Variants in ATRNL1 observed in about 807,000 individuals in gnomAD.
ATRNL1 encodes attractin like 1.
A neutral mutation model predicts 182.7 loss-of-function variants in ATRNL1; 95 were observed. The observed-to-expected ratio is 0.52, with a 90% CI of 0.44 to 0.62. The LOEUF (loss-of-function observed/expected upper bound fraction) is 0.62, where lower values mean the gene tolerates loss of function less well. Among genes scored for constraint, ATRNL1 ranks in the 20% least tolerant of loss-of-function variants. The pLI is 0.00. For synonymous variants in ATRNL1, 576 were observed against 568.3 expected (o/e 1.01, Z -0.19); for missense variants, 1,471 against 1,679.5 (o/e 0.88, Z 2.17).
At chr10:115,208,702 T>A (rs917117619) in intron 8 of ATRNL1, among the ~76,000 whole-genome samples, 1 of 152,080 alleles carries the variant, frequency 6.6e-6, no homozygotes, top group African/African-American at 2.4e-5. Context: ...TACTAGTTTT[T>A]TCTTGGTCCT....
At chr10:115,427,646 A>C (rs1352941610) in intron 21 of ATRNL1, among the ~76,000 whole-genome samples, 1 of 152,080 alleles carries the variant, frequency 6.6e-6, no homozygotes, top group African/African-American at 2.4e-5. Context: ...TCTCCATGTA[A>C]ATATTTAAAT....
At chr10:115,768,387 A>T (rs1425209266) in intron 27 of ATRNL1, among the ~76,000 whole-genome samples, 1 of 152,006 alleles carries the variant, frequency 6.6e-6, no homozygotes, top group African/African-American at 2.4e-5. Context: ...GACTTAGTAG[A>T]TTTACTTATT....
At chr10:115,934,459 A>G (rs1434015487) in intron 28 of ATRNL1, among the ~76,000 whole-genome samples, 2 of 152,020 alleles carry the variant, frequency 1.3e-5, no homozygotes, top group Non-Finnish European at 2.9e-5. Context: ...CACCAAATTC[A>G]CTATGTCTGA....
intron 13 of ATRNL1, among the ~76,000 whole-genome samples, chr10:115,273,988 G>T (rs149981920): frequency 6.6e-6 from 1 of 152,198 alleles, no homozygotes; most frequent in African/African-American, 2.4e-5. Flanking sequence ...GTGACCCATG[G>T]TTAAACATTC....
chr10:115,309,921 C>G (rs1853931322), intron 17 of ATRNL1, among the ~76,000 whole-genome samples: 1 of 152,056 alleles, frequency 6.6e-6, no homozygotes. Context: ...GCCTACCTGT[C>G]TTCTTCTAGT....
chr10:115,633,642 G>T (rs1473533030), intron 26 of ATRNL1, among the ~76,000 whole-genome samples: 2 of 152,056 alleles, frequency 1.3e-5, no homozygotes, highest in Non-Finnish European at 2.9e-5. Context: ...ATTAGTAATG[G>T]TTTATCATTA....
chr10:115,435,473 C>G (rs1294485594), intron 21 of ATRNL1, among the ~76,000 whole-genome samples: 2 of 152,148 alleles, frequency 1.3e-5, no homozygotes, highest in African/African-American at 4.8e-5. Flanking sequence ...TACTTTCCAG[C>G]CTTCAGAACT....
At chr10:115,758,117 GCT>G (rs1948638235) in intron 27 of ATRNL1, among the ~76,000 whole-genome samples, 1 of 151,688 alleles carries the variant, frequency 6.6e-6, no homozygotes, top group Non-Finnish European at 1.5e-5. Context: ...TGCTTCTTTA[GCT>G]CGAAGGAGTT....
chr10:115,839,523 C>A (rs1312354515), intron 27 of ATRNL1, among the ~76,000 whole-genome samples: 1 of 152,104 alleles, frequency 6.6e-6, no homozygotes, highest in Non-Finnish European at 1.5e-5. Context: ...TCCAATACAA[C>A]CCATATGTCT....
In ATRNL1 at chr10:115,300,025, T is replaced by C; in HGVS notation, c.2416-9T>C. 1 of 1,597,914 alleles carries C rather than the reference T, an allele frequency of 6.3e-7. No individual in the cohort carries two copies. The highest frequency in any genetic ancestry group is 1.1e-5 in the South Asian group (1 of 90,018). On this transcript the variant is annotated splice_polypyrimidine_tract_variant and intron_variant, in intron 15 of 28. Coordinates refer to ENST00000355044, the MANE Select transcript of ATRNL1 (RefSeq NM_207303.4). Reference sequence around the variant, plus strand: ...TTTCTTTGAATGCCCCTTTTCCTGTTGTTTACAGAAAGTATCACCTTGGGT... The same window carrying C: ...TTTCTTTGAATGCCCCTTTTCCTGTCGTTTACAGAAAGTATCACCTTGGGT...
intron 24 of ATRNL1, among the ~76,000 whole-genome samples, chr10:115,509,311 C>G (rs1379993526): frequency 1.3e-5 from 2 of 151,990 alleles, no homozygotes; most frequent in African/African-American, 4.8e-5. Flanking sequence ...CCTGCTAACA[C>G]AATAACTGAT....
chr10:115,637,233 G>A (rs1376613773), intron 26 of ATRNL1, among the ~76,000 whole-genome samples: 2 of 152,078 alleles, frequency 1.3e-5, no homozygotes, highest in African/African-American at 4.8e-5. Context: ...CCCCACACAA[G>A]TCCTTTAGGA....
intron 8 of ATRNL1, among the ~76,000 whole-genome samples, chr10:115,213,463 C>T (rs544022651): frequency 3.2e-4 from 48 of 152,076 alleles, no homozygotes; most frequent in Non-Finnish European, 6.8e-4. Context: ...ACCTTTTGTT[C>T]TAAGGATGGG....
intron 28 of ATRNL1, among the ~76,000 whole-genome samples, chr10:115,903,167 T>C (rs1166887930): frequency 6.6e-6 from 1 of 152,224 alleles, no homozygotes; most frequent in Non-Finnish European, 1.5e-5. Context: ...TTATTTAAAG[T>C]GTGACTAGCT....
chr10:115,564,929 A>G (rs891253522), intron 26 of ATRNL1, among the ~76,000 whole-genome samples: 1 of 152,050 alleles, frequency 6.6e-6, no homozygotes, highest in Non-Finnish European at 1.5e-5. Flanking sequence ...GCAACATAAA[A>G]AATAATATTT....
chr10:115,298,221 A>G (rs1251135184), intron 15 of ATRNL1, among the ~76,000 whole-genome samples: 4 of 152,288 alleles, frequency 2.6e-5, no homozygotes, highest in African/African-American at 4.8e-5. Flanking sequence ...CATGCACTTT[A>G]TAGAGATATC....
chr10:115,735,165 G>A (rs1300771875), intron 27 of ATRNL1, among the ~76,000 whole-genome samples: 1 of 152,086 alleles, frequency 6.6e-6, no homozygotes, highest in Non-Finnish European at 1.5e-5. Context: ...CTTTTAAAAT[G>A]TTTCTACTTT....
At chr10:115,368,579 G>GTACAA (rs201809717) in intron 19 of ATRNL1, among the ~76,000 whole-genome samples, 1,965 of 152,248 alleles carry the variant, frequency 0.013, 38 homozygotes, top group African/African-American at 0.044. Flanking sequence ...CACCATGGCT[G>GTACAA]TAGATCTCCA....
At chr10:115,719,239 G>C (rs1947346019) in intron 26 of ATRNL1, among the ~76,000 whole-genome samples, 2 of 152,222 alleles carry the variant, frequency 1.3e-5, no homozygotes, top group Admixed American at 1.3e-4. Flanking sequence ...AGACTTTACA[G>C]AAAAATATTT....
Sources: allele counts gnomAD v4.1 joint callset (sites outside exome capture counted in the v4.1 genomes callset), GRCh38; gene constraint gnomAD v4.1.1; transcripts MANE v1.5; gene names NCBI Gene and HGNC (gene_info 2026-07-23, HGNC 2026-07-21).